IGSF10: variants seen among roughly 807,000 people sequenced by gnomAD.
IGSF10 encodes the protein immunoglobulin superfamily member 10, also known as calvaria mechanical force protein 608.
Under a neutral mutation model 128.2 loss-of-function variants are expected in IGSF10, and 126 were observed. The ratio of observed to expected loss-of-function variants is 0.98; its 90% CI spans 0.85 to 1.14. IGSF10 has a LOEUF of 1.14. Among genes scored for constraint, IGSF10 ranks in the 50% most tolerant of loss-of-function variants. The probability of loss-of-function intolerance (pLI) is 0.00; values close to 1 mark genes in which losing one functional copy is unlikely to be tolerated. For missense variants in IGSF10, 3,295 were observed against 3,149.8 expected (o/e 1.05, Z -1.10); for synonymous variants, 1,185 against 1,146.2 (o/e 1.03, Z -0.68).
the IGSF10 span, among the ~76,000 whole-genome samples, chr3:151,488,250 A>C: frequency 6.6e-6 from 1 of 152,170 alleles, no homozygotes; most frequent in Non-Finnish European, 1.5e-5. Flanking sequence ...AGTACCTAGG[A>C]ATACAACTTA....
At chr3:151,553,932 G>A in the IGSF10 span, among the ~76,000 whole-genome samples, 2 of 151,188 alleles carry the variant, frequency 1.3e-5, no homozygotes, top group East Asian at 3.9e-4. Context: ...TGGGTAACAA[G>A]CTAGACCTTG....
chr3:151,476,538 T>C, the IGSF10 span, among the ~76,000 whole-genome samples: 3 of 152,186 alleles, frequency 2.0e-5, no homozygotes, highest in Non-Finnish European at 4.4e-5. Context: ...AGGAGGTATC[T>C]TCCGGCCAGC....
At chr3:151,616,438 T>A in the IGSF10 span, among the ~76,000 whole-genome samples, 1 of 152,222 alleles carries the variant, frequency 6.6e-6, no homozygotes, top group Non-Finnish European at 1.5e-5. Flanking sequence ...TTCTTTTTTA[T>A]GGACATTCAT....
the IGSF10 span, among the ~76,000 whole-genome samples, chr3:151,519,356 A>AT: frequency 0.32 from 47,968 of 151,476 alleles, 8,106 homozygotes; most frequent in Middle Eastern, 0.44. Context: ...CAAAAGTTAG[A>AT]TTTTTAACTG....
chr3:151,496,999 A>G, the IGSF10 span, among the ~76,000 whole-genome samples: 51,354 of 151,964 alleles, frequency 0.34, 9,023 homozygotes, highest in Middle Eastern at 0.44. Context: ...GTCTGTTCAT[A>G]TCCTTCACCC....
the IGSF10 span, among the ~76,000 whole-genome samples, chr3:151,473,398 GCTCA>G: frequency 6.2e-3 from 942 of 152,202 alleles, 8 homozygotes; most frequent in African/African-American, 0.019. Context: ...GCTTTCCTAC[GCTCA>G]CTAACTTTTT....
At chr3:151,554,013 G>A in the IGSF10 span, among the ~76,000 whole-genome samples, 1 of 151,758 alleles carries the variant, frequency 6.6e-6, no homozygotes, top group African/African-American at 2.4e-5. Flanking sequence ...AGACACAGTG[G>A]CGTACTCCTG....
the IGSF10 span, among the ~76,000 whole-genome samples, chr3:151,611,394 G>A: frequency 6.6e-6 from 1 of 152,104 alleles, no homozygotes; most frequent in African/African-American, 2.4e-5. Flanking sequence ...TTTTGCCTGA[G>A]GCCACATGGG....
rs1720605834 is a variant in IGSF10, at chr3:151,438,598, C to CT, written c.5964-2dup. On this transcript the variant is annotated splice_acceptor_variant, in intron 7 of 7. Transcript: ENST00000282466. LOFTEE classifies it high-confidence loss of function. ...GTAGACGTGGATCCAGCTGCCCACTCTAAGGAGAAAAGAGATTCATTTGAG... is the reference window on the plus strand; with the variant it reads ...GTAGACGTGGATCCAGCTGCCCACTCTTAAGGAGAAAAGAGATTCATTTGAG... 6.2e-7 allele frequency: 1 copy of CT among 1,607,994 alleles called. No individual in the cohort carries two copies.
the IGSF10 span, among the ~76,000 whole-genome samples, chr3:151,542,011 C>A: frequency 6.6e-6 from 1 of 152,168 alleles, no homozygotes; most frequent in Non-Finnish European, 1.5e-5. Flanking sequence ...GTTGCTTTCA[C>A]ACCCAACTCC....
rs114334639 is a variant in IGSF10 at position 151,438,193 on chromosome 3, T to C, written c.6368A>G (p.Asn2123Ser). 2.8e-5 allele frequency: 46 copies of C among 1,614,084 alleles called. No individual in the cohort carries two copies. Among genetic ancestry groups the C allele is most frequent in the Non-Finnish European group, 3.7e-5 (44 of 1,180,030 alleles). ...EEGDYTCYAQNTLGKDEMKVH... is the reference protein window; with the variant it reads ...EEGDYTCYAQSTLGKDEMKVH... ...CTTCATTTCATCTTTCCCTAGGGTG[T>C]TCTGGGCATAGCAAGTATAATCTCC... The change falls in exon 8 of 8, where the codon AAC becomes AGC. Residue 2123 changes from asparagine (N) to serine (S), a missense_variant. Physicochemically the swap from Asn to Ser is conservative, Grantham distance 46. Transcript: ENST00000282466.
At chr3:151,510,520 A>C in the IGSF10 span, among the ~76,000 whole-genome samples, 8 of 152,240 alleles carry the variant, frequency 5.3e-5, no homozygotes, top group African/African-American at 1.9e-4. Flanking sequence ...GGGAAAAAAC[A>C]GAGCAGAAAA....
chr3:151,587,637 T>C, the IGSF10 span, among the ~76,000 whole-genome samples: 1 of 152,216 alleles, frequency 6.6e-6, no homozygotes, highest in African/African-American at 2.4e-5. Context: ...CCAAAACACA[T>C]TTCAATATTG....
chr3:151,482,514 G>A, the IGSF10 span, among the ~76,000 whole-genome samples: 3 of 151,970 alleles, frequency 2.0e-5, no homozygotes, highest in South Asian at 6.2e-4. Context: ...GACTCAGAGG[G>A]GCAAAAAAAT....
chr3:151,538,386 G>C, the IGSF10 span, among the ~76,000 whole-genome samples: 1 of 152,096 alleles, frequency 6.6e-6, no homozygotes, highest in Non-Finnish European at 1.5e-5. Context: ...GTGGGTCTGT[G>C]CTTGTTTCAT....
Position 151,443,361 on chromosome 3 carries a change from C to T in IGSF10, c.5586G>A (p.Leu1862=), listed in dbSNP as rs1720975141. 1 of 1,614,108 alleles carries T rather than the reference C, an allele frequency of 6.2e-7. No homozygotes were observed. The highest frequency in any genetic ancestry group is 1.3e-5 in the African/African-American group (1 of 74,932). ...GAGGAGTTCCTTTTGCAGTACAGGG[C>T]AGTTTTAAACTTTCACCCCAAGTGC... ...IVGTWGESLK[L]PCTAKGTPQP... The change falls in exon 7 of 8, where the codon CTG becomes CTA. Residue 1862 remains leucine, a synonymous_variant. Coordinates refer to ENST00000282466, the MANE Select transcript of IGSF10 (RefSeq NM_178822.5).
At chr3:151,582,292 C>CA in the IGSF10 span, among the ~76,000 whole-genome samples, 3 of 39,370 alleles carry the variant, frequency 7.6e-5, no homozygotes, top group African/African-American at 2.7e-4. Context: ...TAAAAATATC[C>CA]GGGGGGGGGG....
upstream of IGSF10, among the ~76,000 whole-genome samples, chr3:151,464,393 C>T (rs907071193): frequency 1.3e-4 from 20 of 152,116 alleles, no homozygotes; most frequent in African/African-American, 4.8e-4. Context: ...TACATTTCCC[C>T]TCATCTCTAG....
the IGSF10 span, among the ~76,000 whole-genome samples, chr3:151,616,226 C>T: frequency 6.6e-6 from 1 of 152,066 alleles, no homozygotes; most frequent in Non-Finnish European, 1.5e-5. Context: ...CTCAGCCTCC[C>T]AAAGGCCTGG....
Sources: allele counts gnomAD v4.1 joint callset (sites outside exome capture counted in the v4.1 genomes callset), GRCh38; gene constraint gnomAD v4.1.1; transcripts MANE v1.5; gene names NCBI Gene and HGNC (gene_info 2026-07-23, HGNC 2026-07-21).